The following ACLY variants were observed in gnomAD, a reference collection of about 807,000 sequenced individuals.
ACLY encodes the protein ATP-citrate synthase.
Under a neutral mutation model 133.0 loss-of-function variants are expected in ACLY, and 41 were observed. That is an observed-to-expected ratio of 0.31 (90% CI 0.24 to 0.40). The LOEUF (loss-of-function observed/expected upper bound fraction) is 0.40. Ranked by LOEUF, ACLY falls within the 10% of genes least tolerant of loss-of-function variation. ACLY has a pLI of 1.00. For missense variants in ACLY, 1,046 were observed against 1,453.8 expected (o/e 0.72, Z 4.56); for synonymous variants, 495 against 549.3 (o/e 0.90, Z 1.38).
intron 23 of ACLY, among the ~76,000 whole-genome samples, chr17:41,873,236 A>G (rs1289638047): frequency 1.3e-5 from 2 of 150,546 alleles, no homozygotes; most frequent in Non-Finnish European, 3.0e-5. Context: ...CTGGAGTGCA[A>G]TGGTGTGATC....
chr17:41,922,645 G>A (rs1455530845), upstream of ACLY, among the ~76,000 whole-genome samples: 2 of 152,142 alleles, frequency 1.3e-5, no homozygotes, highest in Admixed American at 6.5e-5. Context: ...TGTGCATGAC[G>A]AAGATAGGGA....
At chr17:41,883,363 A>AATCTCCT in intron 19 of ACLY, 131 bp from the exon 20 acceptor site, 1 of 670,728 alleles carries the variant, frequency 1.5e-6, no homozygotes, top group Non-Finnish European at 2.5e-6. Context: ...GGACACAAGG[A>AATCTCCT]AGATTTCTAA....
In ACLY at chr17:41,912,516, C is replaced by A; in HGVS notation, c.186G>T (p.Leu62=). ...SQNLVVKPDQ[L]IKRRGKLGLV... is the part of the protein sequence containing the mutation. ...GACCAAGTTTTCCACGACGTTTGATCAGCTGGTCTGGCTTGACTACCAAGT... is the reference window on the plus strand; with the variant it reads ...GACCAAGTTTTCCACGACGTTTGATAAGCTGGTCTGGCTTGACTACCAAGT... The change falls in exon 3 of 29, where the codon CTG becomes CTT. Residue 62 remains leucine, a synonymous_variant. Transcript: ENST00000352035. 1.2e-6 allele frequency: 2 copies of A among 1,614,194 alleles called. No homozygotes were observed. Among genetic ancestry groups the A allele is most frequent in the Non-Finnish European group, 1.7e-6 (2 of 1,180,016 alleles).
chr17:41,886,361 C>G, intron 17 of ACLY, 53 bp from the exon 18 acceptor site: 1 of 1,510,216 alleles, frequency 6.6e-7, no homozygotes, highest in South Asian at 1.2e-5. Flanking sequence ...AGATTCACCA[C>G]AAAGAATCAC....
At chr17:41,908,375 G>A (rs2049789065) in intron 6 of ACLY, among the ~76,000 whole-genome samples, 1 of 152,242 alleles carries the variant, frequency 6.6e-6, no homozygotes, top group Admixed American at 6.5e-5. Flanking sequence ...GAGGAATGAA[G>A]GGCCAAAGGG....
intron 1 of ACLY, among the ~76,000 whole-genome samples, chr17:41,928,883 C>T: frequency 6.8e-6 from 1 of 146,028 alleles, no homozygotes; most frequent in East Asian, 2.1e-4. Context: ...TGCTGGAGTT[C>T]TGATTGGAAC....
At chr17:41,917,265 A>G (rs2050075845) in intron 1 of ACLY, among the ~76,000 whole-genome samples, 1 of 152,160 alleles carries the variant, frequency 6.6e-6, no homozygotes, top group Non-Finnish European at 1.5e-5. Flanking sequence ...ATGTGCTGTC[A>G]AACAAGTAAC....
chr17:41,867,965 G>T lies in ACLY; in HGVS notation c.3212-61C>A, dbSNP rs546421760. On this transcript the variant is annotated intron_variant, in intron 28 of 28. Coordinates refer to ENST00000352035, the MANE Select transcript of ACLY (RefSeq NM_001096.3). The stretch of plus-strand genomic sequence containing the variant: ...TTCATAAGCCTGGTGAGAGGAAGAG[G>T]CTAAGGAAGGGAAATCTTTCTAACA... 9.8e-6 allele frequency: 12 copies of T among 1,223,330 alleles called. No homozygotes were observed. The South Asian group carries it at 1.2e-4, about 12-fold the overall frequency. The allele number at this position is 1,223,330 out of a possible 1,614,324, so 75.8% of individuals were successfully genotyped here.
At chr17:41,900,155 T>C (rs908903325) in intron 11 of ACLY, among the ~76,000 whole-genome samples, 1 of 144,174 alleles carries the variant, frequency 6.9e-6, no homozygotes, top group Non-Finnish European at 1.5e-5. Flanking sequence ...GGTCAAGAGA[T>C]TGAGACCATC....
At chr17:41,912,601 TG>T in intron 2 of ACLY, 59 bp from the exon 3 acceptor site, 3 of 1,605,368 alleles carry the variant, frequency 1.9e-6, no homozygotes, top group Non-Finnish European at 2.6e-6. Flanking sequence ...CGTAGTATTT[TG>T]GGGATCCAAA....
intron 1 of ACLY, among the ~76,000 whole-genome samples, chr17:41,929,180 G>A (rs532944523): frequency 6.1e-5 from 9 of 147,752 alleles, no homozygotes; most frequent in South Asian, 2.1e-4. Flanking sequence ...CTGCAGCCTC[G>A]ACCTCCCACG....
intron 4 of ACLY, 32 bp downstream of exon 4, chr17:41,910,190 G>A (rs1567911930): frequency 6.2e-7 from 1 of 1,605,798 alleles, no homozygotes; most frequent in Admixed American, 1.7e-5. Flanking sequence ...CCAGGAGGGA[G>A]AAGACCCAGC....
intron 3 of ACLY, among the ~76,000 whole-genome samples, chr17:41,911,981 C>A (rs1274823253): frequency 6.6e-6 from 1 of 151,922 alleles, no homozygotes; most frequent in African/African-American, 2.4e-5. Flanking sequence ...AAGTATGGTG[C>A]TGCATGCCTG....
chr17:41,924,829 C>G (rs759399071), intron 1 of ACLY, among the ~76,000 whole-genome samples: 18 of 152,074 alleles, frequency 1.2e-4, no homozygotes, highest in Non-Finnish European at 2.4e-4. Context: ...CCAACCAGGT[C>G]CAGGCTGGCC....
chr17:41,878,273 T>A, intron 21 of ACLY, 77 bp from the exon 22 acceptor site: 1 of 951,560 alleles, frequency 1.1e-6, no homozygotes, highest in Non-Finnish European at 1.5e-6. Flanking sequence ...AAGAATGCTC[T>A]ATCTAACCCA....
intron 14 of ACLY, 95 bp from the exon 15 acceptor site, chr17:41,893,269 T>C (rs1388315269): frequency 1.2e-5 from 16 of 1,390,198 alleles, no homozygotes; most frequent in East Asian, 4.9e-5. Context: ...CCACGCCCCA[T>C]GTCCACAGGG....
Position 41,906,559 on chromosome 17 carries a change from C to A in ACLY, c.835G>T (p.Val279Leu). The change falls in exon 8 of 29, where the codon GTG becomes TTG. Residue 279 changes from valine to leucine, a missense_variant. Around this residue, in one of 4 missense-constraint regions of ACLY, gnomAD observed 575 missense variants for 804.2 expected, o/e 0.71. Coordinates refer to ENST00000352035, the MANE Select transcript of ACLY (RefSeq NM_001096.3). ...ACGACAGAGGCGCCACCCCCGGCCA[C>A]CATGGTCCAGATCCTCCCTTTGGGG... ...LNPKGRIWTM[V>L]AGGGASVVYS... The A allele has an allele frequency of 6.2e-7, 1 of 1,614,208 alleles. No homozygotes were observed. The highest frequency in any genetic ancestry group is 8.5e-7 in the Non-Finnish European group (1 of 1,180,026).
chr17:41,914,026 G>A, intron 1 of ACLY, 130 bp from the exon 2 acceptor site: 1 of 876,364 alleles, frequency 1.1e-6, no homozygotes, highest in Admixed American at 2.7e-5. Context: ...CAAGAGGAAG[G>A]AAAAAATGCT....
chr17:41,901,024 G>A (rs566039399), intron 11 of ACLY, among the ~76,000 whole-genome samples: 7 of 151,594 alleles, frequency 4.6e-5, no homozygotes, highest in East Asian at 3.9e-4. Context: ...GCATGATCAC[G>A]GCTCACTGCA....
Sources: gnomAD v4.1 joint callset for allele counts (sites outside exome capture counted in the v4.1 genomes callset) on GRCh38, gnomAD v4.1.1 for gene constraint, gnomAD v4.1.1 regional missense constraint, MANE v1.5 for transcripts, NCBI Gene and HGNC (gene_info 2026-07-23, HGNC 2026-07-21) for gene names.